THSD7B: variants seen among roughly 807,000 people sequenced by gnomAD.
THSD7B encodes thrombospondin type 1 domain containing 7B, also known as thrombospondin type-1 domain-containing protein 7B.
A neutral mutation model predicts 213.6 loss-of-function variants in THSD7B; 138 were observed. The observed-to-expected ratio is 0.65, with a 90% CI of 0.56 to 0.74. The LOEUF is 0.74. THSD7B is among the 30% of genes least tolerant of loss of function. The pLI is 0.00. For synonymous variants in THSD7B, 742 were observed against 687.0 expected, an observed-to-expected ratio of 1.08 and a Z score of -1.25; for missense variants, 1,931 against 1,991.5, an observed-to-expected ratio of 0.97 and a Z score of 0.58.
At chr2:137,398,852 G>A (rs1471444144) in intron 12 of THSD7B, among the ~76,000 whole-genome samples, 3 of 152,204 alleles carry the variant, frequency 2.0e-5, no homozygotes, top group Non-Finnish European at 4.4e-5. Flanking sequence ...CCAGGTGCGG[G>A]ATATAATCTC....
chr2:137,642,336 C>G lies in THSD7B; in HGVS notation c.3800-152C>G, dbSNP rs547588936. The G allele has an allele frequency of 1.4e-4, 125 of 921,728 alleles. No homozygotes were observed. In the East Asian group the frequency reaches 3.2e-3, roughly 24 times the overall value. 57.1% of individuals were successfully genotyped at this position (921,728 alleles called of 1,614,324 possible). ...AGATAGCCTGTGTCTCTGTGGAACTCTAAATGAAAATGACAGAAAAACTAA... is the reference window on the plus strand; with the variant it reads ...AGATAGCCTGTGTCTCTGTGGAACTGTAAATGAAAATGACAGAAAAACTAA... On this transcript the variant is annotated intron_variant, in intron 20 of 27. Coordinates refer to ENST00000409968, the MANE Select transcript of THSD7B (RefSeq NM_001316349.2).
chr2:137,391,394 T>C (rs956718772), intron 12 of THSD7B, among the ~76,000 whole-genome samples: 10 of 152,162 alleles, frequency 6.6e-5, no homozygotes, highest in African/African-American at 2.4e-4. Flanking sequence ...TTTTAAAATC[T>C]TTTTAAAGAA....
chr2:137,138,408 T>A (rs1679512147), intron 5 of THSD7B, among the ~76,000 whole-genome samples: 1 of 152,170 alleles, frequency 6.6e-6, no homozygotes, highest in African/African-American at 2.4e-5. Context: ...TGTTTGCAGT[T>A]TTTTTACTCT....
At chr2:137,603,372 A>G (rs1214927301) in intron 17 of THSD7B, among the ~76,000 whole-genome samples, 1 of 152,128 alleles carries the variant, frequency 6.6e-6, no homozygotes, top group African/African-American at 2.4e-5. Flanking sequence ...ACTTCTTCCA[A>G]TGAGTCCTGT....
intron 15 of THSD7B, among the ~76,000 whole-genome samples, chr2:137,476,740 A>T (rs1427138561): frequency 6.6e-6 from 1 of 152,042 alleles, no homozygotes; most frequent in African/African-American, 2.4e-5. Context: ...GGGTTTTACC[A>T]TGTTGGCCAG....
At chr2:136,979,023 G>A (rs1685532752) in intron 2 of THSD7B, among the ~76,000 whole-genome samples, 1 of 151,862 alleles carries the variant, frequency 6.6e-6, no homozygotes, top group Non-Finnish European at 1.5e-5. Flanking sequence ...TGTCTGAAAA[G>A]GATTTTTATT....
chr2:137,251,496 T>G (rs1386787924), intron 10 of THSD7B, among the ~76,000 whole-genome samples: 2 of 152,190 alleles, frequency 1.3e-5, no homozygotes, highest in African/African-American at 4.8e-5. Context: ...AGTCACCAAC[T>G]GGGGTAGTAG....
intron 6 of THSD7B, among the ~76,000 whole-genome samples, chr2:137,169,408 C>G (rs1680198786): frequency 6.6e-6 from 1 of 150,552 alleles, no homozygotes; most frequent in East Asian, 2.0e-4. Flanking sequence ...AGAGGTTGGT[C>G]TTTCTCCAAC....
At chr2:137,228,370 A>C (rs1315642817) in intron 7 of THSD7B, among the ~76,000 whole-genome samples, 2 of 152,286 alleles carry the variant, frequency 1.3e-5, no homozygotes, top group South Asian at 2.1e-4. Flanking sequence ...GATTTTAAAA[A>C]GTATTTGAGC....
intron 15 of THSD7B, among the ~76,000 whole-genome samples, chr2:137,498,767 A>G (rs1679633311): frequency 6.6e-6 from 1 of 152,124 alleles, no homozygotes; most frequent in East Asian, 1.9e-4. Context: ...GAGAGGTGTT[A>G]TATTGTGACA....
At chr2:136,984,147 A>G (rs1443604947) in intron 2 of THSD7B, among the ~76,000 whole-genome samples, 6 of 152,244 alleles carry the variant, frequency 3.9e-5, no homozygotes, top group Admixed American at 3.9e-4. Context: ...ATACCTATTG[A>G]AATGGAAGAG....
intron 5 of THSD7B, among the ~76,000 whole-genome samples, chr2:137,157,539 A>G (rs1425745798): frequency 1.3e-5 from 2 of 152,156 alleles, no homozygotes; most frequent in African/African-American, 4.8e-5. Flanking sequence ...AAAGAGGGAA[A>G]ACTGTATCAG....
At chr2:136,855,220 G>A (rs964785249) in intron 1 of THSD7B, among the ~76,000 whole-genome samples, 1 of 150,696 alleles carries the variant, frequency 6.6e-6, no homozygotes, top group African/African-American at 2.4e-5. Context: ...GTGAAGAGTG[G>A]GTACATCTTG....
intron 3 of THSD7B, among the ~76,000 whole-genome samples, chr2:137,084,209 A>G (rs541866471): frequency 1.3e-5 from 2 of 152,304 alleles, no homozygotes; most frequent in African/African-American, 4.8e-5. Context: ...ACATGATAAA[A>G]TGAACACAGC....
chr2:137,119,344 C>T (rs899526891), intron 5 of THSD7B, among the ~76,000 whole-genome samples: 1 of 152,118 alleles, frequency 6.6e-6, no homozygotes, highest in Non-Finnish European at 1.5e-5. Context: ...AAGGGTGTCC[C>T]CAGTAATTTA....
At chr2:137,501,675 A>G (rs949718810) in intron 15 of THSD7B, among the ~76,000 whole-genome samples, 2 of 152,204 alleles carry the variant, frequency 1.3e-5, no homozygotes, top group Non-Finnish European at 2.9e-5. Flanking sequence ...CATTACCAAT[A>G]TGATTGTACT....
chr2:137,474,491 T>G (rs771759379), intron 15 of THSD7B, among the ~76,000 whole-genome samples: 8 of 152,204 alleles, frequency 5.3e-5, no homozygotes, highest in Non-Finnish European at 1.0e-4. Flanking sequence ...AGTATGGGAA[T>G]GCTAGATGTC....
chr2:137,386,528 ATAAAT>A (rs1486258324), intron 12 of THSD7B, among the ~76,000 whole-genome samples: 2 of 152,194 alleles, frequency 1.3e-5, no homozygotes, highest in African/African-American at 4.8e-5. Context: ...ACCTCTCGAA[ATAAAT>A]TCTATCCTTT....
At chr2:136,909,417 T>C (rs1684222142) in intron 2 of THSD7B, among the ~76,000 whole-genome samples, 1 of 152,176 alleles carries the variant, frequency 6.6e-6, no homozygotes, top group Non-Finnish European at 1.5e-5. Flanking sequence ...GATACTCTAC[T>C]GTTTGTGCTC....
Sources: allele counts gnomAD v4.1 joint callset (sites outside exome capture counted in the v4.1 genomes callset), GRCh38; gene constraint gnomAD v4.1.1; transcripts MANE v1.5; gene names NCBI Gene and HGNC (gene_info 2026-07-23, HGNC 2026-07-21).